EFCAB6: variants seen among roughly 807,000 people sequenced by gnomAD.
The protein encoded by EFCAB6 is EF-hand calcium binding domain 6.
Under a neutral mutation model 169.8 loss-of-function variants are expected in EFCAB6, and 156 were observed. The ratio of observed to expected loss-of-function variants is 0.92; its 90% CI spans 0.81 to 1.05. The LOEUF is 1.05. Among genes scored for constraint, EFCAB6 ranks in the 50% least tolerant of loss-of-function variants. EFCAB6 has a pLI of 0.00. For missense variants in EFCAB6, 1,800 were observed against 1,829.1 expected, an observed-to-expected ratio of 0.98 and a Z score of 0.29; for synonymous variants, 698 against 676.4, an observed-to-expected ratio of 1.03 and a Z score of -0.50.
intron 8 of EFCAB6, among the ~76,000 whole-genome samples, chr22:43,721,075 A>G (rs1352203404): frequency 6.6e-6 from 1 of 152,206 alleles, no homozygotes. Flanking sequence ...ATTTCTATAC[A>G]TCAATAATGT....
intron 17 of EFCAB6, among the ~76,000 whole-genome samples, chr22:43,636,597 C>A (rs2055413248): frequency 1.3e-5 from 2 of 150,060 alleles, no homozygotes; most frequent in African/African-American, 2.5e-5. Context: ...GGGGTTCAAA[C>A]CCAGTTCTTT....
intron 17 of EFCAB6, 62 bp from the exon 18 acceptor site, chr22:43,635,278 G>A: frequency 8.5e-7 from 1 of 1,177,044 alleles, no homozygotes; most frequent in Non-Finnish European, 1.3e-6. Flanking sequence ...ACTACTCCCA[G>A]AGCACCTCCT....
At chr22:43,713,162 TA>T (rs957309308) in intron 9 of EFCAB6, among the ~76,000 whole-genome samples, 17 of 151,226 alleles carry the variant, frequency 1.1e-4, no homozygotes, top group African/African-American at 3.2e-4. Context: ...ATCATACCAC[TA>T]AAAAAAAATT....
intron 27 of EFCAB6, among the ~76,000 whole-genome samples, chr22:43,549,715 G>T (rs1429906243): frequency 1.3e-5 from 2 of 152,182 alleles, no homozygotes; most frequent in Non-Finnish European, 2.9e-5. Flanking sequence ...ACCAAAGCCA[G>T]ACAAGACAGG....
intron 17 of EFCAB6, among the ~76,000 whole-genome samples, chr22:43,666,372 A>C (rs2057248116): frequency 6.6e-6 from 1 of 152,126 alleles, no homozygotes; most frequent in Non-Finnish European, 1.5e-5. Context: ...AGCCCATTCC[A>C]ATGTCCGGCA....
At chr22:43,750,137 T>C (rs2060705735) in intron 6 of EFCAB6, among the ~76,000 whole-genome samples, 1 of 152,154 alleles carries the variant, frequency 6.6e-6, no homozygotes, top group East Asian at 1.9e-4. Flanking sequence ...AAAAAAACCT[T>C]AGTCCGAAAT....
At chr22:43,732,628 G>A (rs1438359184) in intron 7 of EFCAB6, among the ~76,000 whole-genome samples, 2 of 151,714 alleles carry the variant, frequency 1.3e-5, no homozygotes, top group Admixed American at 1.3e-4. Context: ...CACCACGCCT[G>A]GCTAATTTTT....
chr22:43,778,215 C>G (rs2061699368), intron 3 of EFCAB6, among the ~76,000 whole-genome samples: 1 of 152,204 alleles, frequency 6.6e-6, no homozygotes, highest in Admixed American at 6.5e-5. Context: ...CCACATGAGG[C>G]TGACAGATGG....
intron 7 of EFCAB6, among the ~76,000 whole-genome samples, chr22:43,732,935 G>T (rs2060006590): frequency 6.6e-6 from 1 of 152,122 alleles, no homozygotes. Flanking sequence ...ATCTCCATAT[G>T]TGTTGATTTC....
Position 43,784,620 on chromosome 22 carries a change from TACACATATATATGTATATGTAC to T in EFCAB6, c.-7-2317_-7-2296del, listed in dbSNP as rs1569487785. Among the ~76,000 whole-genome samples, 718 of 76,264 alleles carry T rather than the reference TACACATATATATGTATATGTAC, an allele frequency of 9.4e-3. 30 individuals are homozygous for T. Among genetic ancestry groups the T allele is most frequent in the African/African-American group, 0.033 (682 of 20,462 alleles). The allele number at this position is 76,264 out of a possible 152,430, so 50.0% of individuals were successfully genotyped here. A position where few individuals can be genotyped will look rare whatever the true frequency, so the allele number is the denominator to read the frequency against. ...ATATACACATATATATGTGTATATATACACATATATATGTATATGTACACATATATATGTGTATATATACATA... is the reference window on the plus strand; with the variant it reads ...ATATACACATATATATGTGTATATATACATATATATGTGTATATATACATA... On this transcript the variant is annotated intron_variant, in intron 2 of 31. Coordinates refer to ENST00000262726, the MANE Select transcript of EFCAB6 (RefSeq NM_022785.4).
intron 27 of EFCAB6, among the ~76,000 whole-genome samples, chr22:43,544,172 G>A (rs189508343): frequency 6.6e-5 from 10 of 152,126 alleles, no homozygotes; most frequent in Non-Finnish European, 5.9e-5. Context: ...GTCCCTTGCT[G>A]CTCTCTGTGG....
intron 3 of EFCAB6, among the ~76,000 whole-genome samples, chr22:43,773,465 A>G (rs2061544128): frequency 6.6e-6 from 1 of 152,214 alleles, no homozygotes; most frequent in Non-Finnish European, 1.5e-5. Context: ...CCCCTTGCCA[A>G]TTTTTGAGGG....
intron 24 of EFCAB6, among the ~76,000 whole-genome samples, chr22:43,581,377 T>C (rs907889869): frequency 2.6e-5 from 4 of 151,696 alleles, no homozygotes. Context: ...TTTTCTCAAA[T>C]AAAAATCCAC....
intron 26 of EFCAB6, among the ~76,000 whole-genome samples, chr22:43,566,933 C>T (rs542801059): frequency 6.9e-4 from 105 of 152,244 alleles, no homozygotes; most frequent in South Asian, 1.5e-3. Context: ...CTGGCCATGC[C>T]CAAAGTGTGG....
chr22:43,608,247 G>A (rs1188842443), intron 22 of EFCAB6, among the ~76,000 whole-genome samples: 1 of 152,132 alleles, frequency 6.6e-6, no homozygotes, highest in Non-Finnish European at 1.5e-5. Flanking sequence ...GTATGGATGA[G>A]CATTTACCCT....
intron 26 of EFCAB6, 136 bp from the exon 27 acceptor site, chr22:43,555,232 G>C: frequency 1.1e-6 from 1 of 897,508 alleles, no homozygotes; most frequent in Non-Finnish European, 1.7e-6. Context: ...CTACAGCCTG[G>C]AGGTGGGTTC....
At chr22:43,539,349 C>G (rs2047558804) in intron 28 of EFCAB6, among the ~76,000 whole-genome samples, 1 of 152,178 alleles carries the variant, frequency 6.6e-6, no homozygotes, top group Non-Finnish European at 1.5e-5. Flanking sequence ...GCCTATTACC[C>G]CTAAAAGAAC....
chr22:43,751,009 T>C (rs889527380), intron 6 of EFCAB6, among the ~76,000 whole-genome samples: 6 of 152,174 alleles, frequency 3.9e-5, no homozygotes, highest in African/African-American at 1.4e-4. Context: ...GCCGACTGGG[T>C]AGACCAGATG....
intron 26 of EFCAB6, among the ~76,000 whole-genome samples, chr22:43,557,888 G>A (rs62225948): frequency 0.063 from 9,642 of 152,154 alleles, 363 homozygotes; most frequent in Admixed American, 0.093. Context: ...TTTAGTGAAG[G>A]CCACATGTCA....
Sources: allele counts gnomAD v4.1 joint callset (sites outside exome capture counted in the v4.1 genomes callset), GRCh38; gene constraint gnomAD v4.1.1; transcripts MANE v1.5; gene names NCBI Gene and HGNC (gene_info 2026-07-23, HGNC 2026-07-21).